The following PLCB1 variants were observed in gnomAD, a reference collection of about 807,000 sequenced individuals.
The protein encoded by PLCB1 is 1-phosphatidylinositol 4,5-bisphosphate phosphodiesterase beta-1.
In PLCB1, 46 loss-of-function variants were observed where a neutral mutation model predicts 161.8. That is an observed-to-expected ratio of 0.28 (90% CI 0.22 to 0.36). PLCB1 has a LOEUF of 0.36. Ranked by LOEUF, PLCB1 falls within the 10% of genes least tolerant of loss-of-function variation. PLCB1 has a pLI of 1.00. For missense variants in PLCB1, 1,016 were observed against 1,472.5 expected, an observed-to-expected ratio of 0.69 and a Z score of 5.07; for synonymous variants, 517 against 503.7, an observed-to-expected ratio of 1.03 and a Z score of -0.35.
intron 3 of PLCB1, among the ~76,000 whole-genome samples, chr20:8,521,088 A>G (rs1156600161): frequency 2.6e-5 from 4 of 152,218 alleles, no homozygotes; most frequent in South Asian, 2.1e-4. Flanking sequence ...TGAGGTGCAA[A>G]AAGAAAAGGC....
intron 2 of PLCB1, among the ~76,000 whole-genome samples, chr20:8,204,774 C>T (rs1049330206): frequency 2.6e-5 from 4 of 152,100 alleles, no homozygotes; most frequent in Admixed American, 1.3e-4. Flanking sequence ...AATGCAAGAA[C>T]AGCCTAATAC....
At chr20:8,808,862 G>T (rs1984670889) in intron 31 of PLCB1, among the ~76,000 whole-genome samples, 1 of 152,130 alleles carries the variant, frequency 6.6e-6, no homozygotes, top group African/African-American at 2.4e-5. Flanking sequence ...GGGATTTTGT[G>T]ACCTGGTTAT....
rs570126458 is a variant in PLCB1 at position 8,189,052 on chromosome 20, G to C, written c.177+38681G>C. On this transcript the variant is annotated intron_variant, in intron 2 of 31. Coordinates refer to ENST00000338037, the MANE Select transcript of PLCB1 (RefSeq NM_015192.4). Reference sequence around the variant, plus strand: ...AAGTAATGTTGCCTATCCTGCTCCTGATAACCACTATTTCATTCTCTATCT... The same window carrying C: ...AAGTAATGTTGCCTATCCTGCTCCTCATAACCACTATTTCATTCTCTATCT... Among the ~76,000 whole-genome samples the C allele has an allele frequency of 2.0e-5, 3 of 152,048 alleles. 1 individual carries two copies. The South Asian group carries it at 6.2e-4, about 32-fold the overall frequency.
chr20:8,827,669 G>C (rs930173496), intron 31 of PLCB1, among the ~76,000 whole-genome samples: 1 of 152,244 alleles, frequency 6.6e-6, no homozygotes, highest in African/African-American at 2.4e-5. Context: ...ATTACGGACA[G>C]TTCTATTGAA....
intron 3 of PLCB1, among the ~76,000 whole-genome samples, chr20:8,555,122 A>G (rs1300541062): frequency 6.6e-6 from 1 of 151,898 alleles, no homozygotes; most frequent in Non-Finnish European, 1.5e-5. Context: ...CAGAGTTCTG[A>G]CAGAGTTGAG....
At chr20:8,816,578 T>C (rs1985095718) in intron 31 of PLCB1, among the ~76,000 whole-genome samples, 1 of 152,210 alleles carries the variant, frequency 6.6e-6, no homozygotes, top group South Asian at 2.1e-4. Context: ...GTACCATCTA[T>C]ATATTTTTCT....
chr20:8,242,217 C>A (rs560982200), intron 2 of PLCB1, among the ~76,000 whole-genome samples: 1 of 151,802 alleles, frequency 6.6e-6, no homozygotes, highest in Non-Finnish European at 1.5e-5. Context: ...CTCTACCCAG[C>A]GTGTGGTCAC....
intron 23 of PLCB1, among the ~76,000 whole-genome samples, chr20:8,742,208 T>TA (rs957316593): frequency 2.0e-5 from 3 of 152,032 alleles, no homozygotes; most frequent in African/African-American, 7.2e-5. Flanking sequence ...TTTTTGCTTT[T>TA]AAAAAAAGTG....
intron 2 of PLCB1, among the ~76,000 whole-genome samples, chr20:8,291,572 A>G (rs1016581228): frequency 3.9e-5 from 6 of 152,110 alleles, no homozygotes; most frequent in African/African-American, 1.4e-4. Context: ...AAACCAAACC[A>G]TGATTTATTT....
intron 3 of PLCB1, among the ~76,000 whole-genome samples, chr20:8,606,355 C>T (rs1987757740): frequency 6.6e-6 from 1 of 152,136 alleles, no homozygotes; most frequent in African/African-American, 2.4e-5. Flanking sequence ...GGAGCATAAA[C>T]AGAGCAAGTT....
rs1224746668 is a variant in PLCB1 at position 8,371,397 on chromosome 20, G to T, written c.193G>T (p.Asp65Tyr). The change falls in exon 3 of 32, where the codon GAT becomes TAT. Residue 65 changes from aspartate (D) to tyrosine (Y), a missense_variant. Physicochemically the swap from Asp to Tyr is radical, Grantham distance 160 (BLOSUM62 -3). Coordinates refer to ENST00000338037, the MANE Select transcript of PLCB1 (RefSeq NM_015192.4). The stretch of plus-strand genomic sequence containing the variant: ...TGCCTTCCAGGAGACAGAGCTACTG[G>T]ATCTCAGCCTTGTCAAAGATGCCAG... The part of the protein sequence containing the change: ...TDQNKETELL[D>Y]LSLVKDARCG... 6.2e-7 allele frequency: 1 copy of T among 1,613,356 alleles called. No homozygotes were observed.
At chr20:8,159,416 C>T (rs2051597542) in intron 2 of PLCB1, among the ~76,000 whole-genome samples, 1 of 152,092 alleles carries the variant, frequency 6.6e-6, no homozygotes, top group South Asian at 2.1e-4. Flanking sequence ...ATTTTTTCCT[C>T]CTAGGCCTCT....
intron 2 of PLCB1, among the ~76,000 whole-genome samples, chr20:8,153,499 A>T (rs1017254632): frequency 2.0e-5 from 3 of 152,174 alleles, no homozygotes. Flanking sequence ...GATCCGTGCC[A>T]TGTGAACACT....
At position 8,741,564 on chromosome 20, in the gene PLCB1, A is replaced by G. The variant is rs757034812; in HGVS notation, c.2514A>G (p.Val838=). Residue 838 remains valine (V), a synonymous_variant, in exon 23 of 32, where the codon GTA becomes GTG. Transcript: ENST00000338037. ...TGACACTGGAAGATGAAGAAGAAGT[A>G]AAGAAAGAGGTGAGAGGGTGTTTTA... ...AALTLEDEEE[V]KKEADPGETP... 1.9e-6 allele frequency: 3 copies of G among 1,607,808 alleles called. No homozygotes were observed. Among genetic ancestry groups the G allele is most frequent in the South Asian group, 1.1e-5 (1 of 90,894 alleles).
chr20:8,434,054 T>G (rs1980186403), intron 3 of PLCB1, among the ~76,000 whole-genome samples: 1 of 152,242 alleles, frequency 6.6e-6, no homozygotes, highest in Non-Finnish European at 1.5e-5. Flanking sequence ...GTTTCTTTCT[T>G]TCTCATTCTT....
chr20:8,498,245 G>A (rs1168022509), intron 3 of PLCB1, among the ~76,000 whole-genome samples: 5 of 152,070 alleles, frequency 3.3e-5, no homozygotes, highest in African/African-American at 9.7e-5. Context: ...TTACAGGCAC[G>A]TGCCACCACG....
chr20:8,145,078 C>A (rs1324342489), intron 1 of PLCB1, among the ~76,000 whole-genome samples: 1 of 152,094 alleles, frequency 6.6e-6, no homozygotes, highest in Non-Finnish European at 1.5e-5. Context: ...AGCAAAGGAC[C>A]ATAGCCTGGG....
At chr20:8,516,289 G>T (rs73894570) in intron 3 of PLCB1, among the ~76,000 whole-genome samples, 13,684 of 152,178 alleles carry the variant, frequency 0.09, 671 homozygotes, top group Middle Eastern at 0.12. Flanking sequence ...AACCATGACA[G>T]CACATTTCAA....
At position 8,136,691 on chromosome 20, in the gene PLCB1, G is replaced by A. The variant is rs572641299; in HGVS notation, c.99+3941G>A. ...GACGTGAATTTTATCAAGGTGATTA[G>A]CAGGTGTTCTATGGCTCTTTTATTC... On this transcript the variant is annotated intron_variant, in intron 1 of 31. Coordinates refer to ENST00000338037, the MANE Select transcript of PLCB1 (RefSeq NM_015192.4). Among the ~76,000 whole-genome samples the A allele has an allele frequency of 2.0e-5, 3 of 151,554 alleles. No individual in the cohort carries two copies. In the South Asian group the frequency reaches 6.3e-4, roughly 32 times the overall value.
Sources: allele counts gnomAD v4.1 joint callset (sites outside exome capture counted in the v4.1 genomes callset), GRCh38; gene constraint gnomAD v4.1.1; transcripts MANE v1.5; gene names NCBI Gene and HGNC (gene_info 2026-07-23, HGNC 2026-07-21).